Variants in PIP4K2C observed in about 807,000 individuals in gnomAD.
PIP4K2C encodes phosphatidylinositol-5-phosphate 4-kinase type 2 gamma, also known as phosphatidylinositol 5-phosphate 4-kinase type-2 gamma.
In PIP4K2C, 21 loss-of-function variants were observed where a neutral mutation model predicts 45.0. That is an observed-to-expected ratio of 0.47 (90% CI 0.33 to 0.67). The LOEUF is 0.67. Ranked by LOEUF, PIP4K2C falls within the 30% of genes least tolerant of loss-of-function variation. PIP4K2C has a pLI of 0.02. For missense variants in PIP4K2C, 456 were observed against 542.8 expected (o/e 0.84, Z 1.59); for synonymous variants, 201 against 204.8 (o/e 0.98, Z 0.16).
At chr12:57,596,656 C>T (rs1883208470) in intron 4 of PIP4K2C, among the ~76,000 whole-genome samples, 1 of 152,134 alleles carries the variant, frequency 6.6e-6, no homozygotes, top group Non-Finnish European at 1.5e-5. Flanking sequence ...GTTTATGCAA[C>T]AAATATTGAA....
chr12:57,595,009 C>A, intron 2 of PIP4K2C, 117 bp from the exon 3 acceptor site: 1 of 657,556 alleles, frequency 1.5e-6, no homozygotes, highest in South Asian at 2.0e-5. Context: ...AAAAAAGGAC[C>A]TCACAGGGTT....
chr12:57,601,418 A>G (rs748261873), intron 9 of PIP4K2C, 70 bp downstream of exon 9: 2 of 1,540,586 alleles, frequency 1.3e-6, no homozygotes, highest in South Asian at 1.1e-5. Flanking sequence ...CTTGTGCCAG[A>G]GCAATGGGGT....
Position 57,601,281 on chromosome 12 carries a change from T to C in PIP4K2C, c.1118T>C (p.Ile373Thr). 6.2e-7 allele frequency: 1 copy of C among 1,613,990 alleles called. No homozygotes were observed. Among genetic ancestry groups the C allele is most frequent in the Non-Finnish European group, 8.5e-7 (1 of 1,179,870 alleles). The change falls in exon 9 of 10, where the codon ATT becomes ACT. Residue 373 changes from isoleucine to threonine, a missense_variant. Around this residue, in one of 2 missense-constraint regions of PIP4K2C, gnomAD observed 35 missense variants for 69.7 expected, o/e 0.50. Transcript: ENST00000354947. Reference protein sequence around the residue: ...PQKEVYFMGLIDILTQYDAKK... With the variant: ...PQKEVYFMGLTDILTQYDAKK... The stretch of plus-strand genomic sequence containing the variant: ...AAGGAGGTCTACTTCATGGGCCTCA[T>C]TGATATCCTTACACAGTATGATGCT...
chr12:57,593,939 T>C lies in PIP4K2C; in HGVS notation c.175-86T>C, dbSNP rs1231014164. The C allele has an allele frequency of 6.4e-6, 6 of 931,408 alleles. No individual in the cohort carries two copies. In the Admixed American group the frequency reaches 1.2e-4, roughly 18 times the overall value. 57.7% of individuals were successfully genotyped at this position (931,408 alleles called of 1,614,324 possible). On this transcript the variant is annotated intron_variant, in intron 1 of 9. Transcript: ENST00000354947. ...TAAAGGAATGAGGTCTGAGTGGCCC[T>C]TGCATGACTGCTGCCCAGACACAGT...
chr12:57,599,038 C>G (rs1050781427), intron 4 of PIP4K2C, 27 bp from the exon 5 acceptor site: 2 of 1,610,468 alleles, frequency 1.2e-6, no homozygotes, highest in African/African-American at 2.7e-5. Context: ...CAGCCTCTCC[C>G]CATTCCTTCC....
chr12:57,593,224 T>C (rs1883037318), intron 1 of PIP4K2C, among the ~76,000 whole-genome samples: 1 of 152,012 alleles, frequency 6.6e-6, no homozygotes, highest in East Asian at 1.9e-4. Flanking sequence ...CAAAGGCAGG[T>C]GAAAGGTACT....
At chr12:57,598,237 T>G (rs1565713950) in intron 4 of PIP4K2C, among the ~76,000 whole-genome samples, 1 of 152,150 alleles carries the variant, frequency 6.6e-6, no homozygotes, top group Non-Finnish European at 1.5e-5. Context: ...ATCCAAATTG[T>G]AGGCCGGGTG....
intron 2 of PIP4K2C, among the ~76,000 whole-genome samples, chr12:57,594,688 G>A (rs1264202182): frequency 2.0e-5 from 3 of 152,142 alleles, no homozygotes; most frequent in African/African-American, 7.2e-5. Context: ...ACCTCACAAG[G>A]GCCAGGCGTG....
At chr12:57,594,172 A>G (rs781123582) in intron 2 of PIP4K2C, 50 bp downstream of exon 2, 1 of 1,431,424 alleles carries the variant, frequency 7.0e-7, no homozygotes, top group Non-Finnish European at 9.6e-7. Flanking sequence ...AGAAAGGAGT[A>G]ATAAATAATT....
At position 57,599,164 on chromosome 12, in the gene PIP4K2C, A is replaced by G. The variant is rs1198271236; in HGVS notation, c.613A>G (p.Asn205Asp). ...NEDSYMLVMRNMFSHRLPVHR... is the reference protein window; with the variant it reads ...NEDSYMLVMRDMFSHRLPVHR... Reference sequence around the variant, plus strand: ...AGACAGCTACATGCTTGTGATGCGCAATATGTTTAGCCACCGTCTTCCTGT... The same window carrying G: ...AGACAGCTACATGCTTGTGATGCGCGATATGTTTAGCCACCGTCTTCCTGT... The change falls in exon 5 of 10, where the codon AAT (asparagine) becomes GAT (aspartate). Residue 205 changes from asparagine to aspartate, a missense_variant. By Grantham distance (23) the Asn-to-Asp change is conservative. This residue lies in a region of PIP4K2C where 421 missense variants were observed against 473.1 expected (regional missense o/e 0.89). Coordinates refer to ENST00000354947, the MANE Select transcript of PIP4K2C (RefSeq NM_024779.5). 1 of 1,614,202 alleles carries G rather than the reference A, an allele frequency of 6.2e-7. No individual in the cohort carries two copies. Among genetic ancestry groups the G allele is most frequent in the Admixed American group, 1.7e-5 (1 of 60,026 alleles).
chr12:57,600,071 A>G (rs1013624618), intron 6 of PIP4K2C, among the ~76,000 whole-genome samples: 7 of 149,970 alleles, frequency 4.7e-5, no homozygotes, highest in Non-Finnish European at 8.9e-5. Context: ...AAAAAAAAAG[A>G]GGAGAAAGAA....
chr12:57,603,089 C>T lies in PIP4K2C; in HGVS notation c.*1483C>T, dbSNP rs1883515658. On this transcript the variant is annotated 3_prime_UTR_variant, in exon 10 of 10. Coordinates refer to ENST00000354947, the MANE Select transcript of PIP4K2C (RefSeq NM_024779.5). ...AGGCCATAGGGAGAAGCTCCCTCTC[C>T]CCTTCATCTTCTGCTCCAAAGGTGG... The T allele has an allele frequency of 6.6e-6, 1 of 152,488 alleles. No homozygotes were observed. Among genetic ancestry groups the T allele is most frequent in the South Asian group, 2.1e-4 (1 of 4,828 alleles). 9.4% of individuals were successfully genotyped at this position (152,488 alleles called of 1,614,324 possible).
At chr12:57,594,825 C>A (rs1175305037) in intron 2 of PIP4K2C, among the ~76,000 whole-genome samples, 8 of 152,044 alleles carry the variant, frequency 5.3e-5, no homozygotes, top group African/African-American at 1.9e-4. Context: ...AAAAAATTAG[C>A]CAGGCATGGT....
chr12:57,601,349 G>A lies in PIP4K2C; in HGVS notation c.1185+1G>A. 1 of 1,607,988 alleles carries A rather than the reference G, an allele frequency of 6.2e-7. No homozygotes were observed. Among genetic ancestry groups the A allele is most frequent in the Admixed American group, 1.7e-5 (1 of 59,932 alleles). ...TGCAGCCAAAACTGTCAAGCATGGG[G>A]TGAGAGTTCGCAAAAGCCTTTCCTT... On this transcript the variant is annotated splice_donor_variant, in intron 9 of 9. Transcript: ENST00000354947. LOFTEE classifies it high-confidence loss of function.
rs1202786661 is a variant in PIP4K2C at position 57,601,582 on chromosome 12, T to A, written c.1242T>A (p.Asp414Glu). The change falls in exon 10 of 10, where the codon GAT (aspartate) becomes GAA (glutamate). Residue 414 changes from aspartate (D) to glutamate (E), a missense_variant. Physicochemically the swap from Asp to Glu is conservative, Grantham distance 45. This residue lies in a region of PIP4K2C where 35 missense variants were observed against 69.7 expected (regional missense o/e 0.50). Transcript: ENST00000354947. ...HPEQYAKRFL[D>E]FITNIFA ...AGCAGTATGCTAAGCGATTCCTGGA[T>A]TTTATTACCAACATCTTTGCCTAAG... 1 of 1,612,362 alleles carries A rather than the reference T, an allele frequency of 6.2e-7. No individual in the cohort carries two copies. Among genetic ancestry groups the A allele is most frequent in the Non-Finnish European group, 8.5e-7 (1 of 1,178,524 alleles).
chr12:57,594,821 T>C (rs977150719), intron 2 of PIP4K2C, among the ~76,000 whole-genome samples: 2 of 151,802 alleles, frequency 1.3e-5, no homozygotes, highest in African/African-American at 2.4e-5. Flanking sequence ...ATACAAAAAA[T>C]TAGCCAGGCA....
chr12:57,594,495 G>T (rs1254952019), intron 2 of PIP4K2C, among the ~76,000 whole-genome samples: 1 of 152,130 alleles, frequency 6.6e-6, no homozygotes. Flanking sequence ...CAAAACAGTG[G>T]TGTCTGTTGC....
chr12:57,594,802 C>T (rs1227382495), intron 2 of PIP4K2C, among the ~76,000 whole-genome samples: 3 of 152,006 alleles, frequency 2.0e-5, no homozygotes, highest in African/African-American at 7.3e-5. Context: ...AACCCTATCT[C>T]TACTAAAAAT....
Position 57,599,446 on chromosome 12 carries a change from T to C in PIP4K2C, c.699+8T>C, listed in dbSNP as rs766922120. 1.9e-6 allele frequency: 3 copies of C among 1,614,042 alleles called. No homozygotes were observed. Among genetic ancestry groups the C allele is most frequent in the Non-Finnish European group, 2.5e-6 (3 of 1,179,994 alleles). ...GCCAGCGATAAGGAAAAGGTGATAG[T>C]AATTTTATGTGCTAGGGTGAGGGAT... On this transcript the variant is annotated splice_region_variant and intron_variant, in intron 6 of 9. Transcript: ENST00000354947.
Sources: gnomAD v4.1 joint callset for allele counts (sites outside exome capture counted in the v4.1 genomes callset) on GRCh38, gnomAD v4.1.1 for gene constraint, gnomAD v4.1.1 regional missense constraint, MANE v1.5 for transcripts, NCBI Gene and HGNC (gene_info 2026-07-23, HGNC 2026-07-21) for gene names.